Variants in INTS9 observed in about 807,000 individuals in gnomAD.
INTS9 encodes protein related to CPSF subunits of 74 kDa.
In INTS9, 55 loss-of-function variants were observed where a neutral mutation model predicts 79.7. The observed-to-expected ratio is 0.69, with a 90% CI of 0.56 to 0.86. The LOEUF is 0.86. INTS9 is among the 40% of genes least tolerant of loss of function. The probability of loss-of-function intolerance (pLI) is 0.00; values close to 1 mark genes in which losing one functional copy is unlikely to be tolerated. For missense variants in INTS9, 721 were observed against 831.5 expected, an observed-to-expected ratio of 0.87 and a Z score of 1.64; for synonymous variants, 319 against 325.2, an observed-to-expected ratio of 0.98 and a Z score of 0.20.
chr8:28,807,996 T>A (rs542367621), intron 8 of INTS9, among the ~76,000 whole-genome samples: 14 of 152,320 alleles, frequency 9.2e-5, no homozygotes, highest in Non-Finnish European at 1.8e-4. Context: ...ATCAAATCAA[T>A]TAAAAAATTA....
At chr8:28,815,251 T>C (rs1805401526) in intron 6 of INTS9, among the ~76,000 whole-genome samples, 1 of 152,108 alleles carries the variant, frequency 6.6e-6, no homozygotes, top group South Asian at 2.1e-4. Flanking sequence ...TACAATGTCA[T>C]ATAGAGAGTG....
At chr8:28,889,786 C>T (rs1285361414) in intron 1 of INTS9, 88 bp downstream of exon 1, 5 of 1,467,854 alleles carry the variant, frequency 3.4e-6, no homozygotes, top group African/African-American at 2.8e-5. Context: ...CCCTCCCGTG[C>T]GACGATTCCC....
chr8:28,768,750 C>G (rs1802354300), intron 16 of INTS9, among the ~76,000 whole-genome samples: 1 of 152,226 alleles, frequency 6.6e-6, no homozygotes, highest in Non-Finnish European at 1.5e-5. Flanking sequence ...GAGAAGGCAG[C>G]AGTGCAAACT....
chr8:28,806,136 G>T (rs1347229394), intron 8 of INTS9, among the ~76,000 whole-genome samples: 1 of 152,170 alleles, frequency 6.6e-6, no homozygotes, highest in Admixed American at 6.5e-5. Flanking sequence ...AGGCTGAGGT[G>T]GGAGGACTGC....
At chr8:28,845,728 G>A (rs556217065) in intron 4 of INTS9, among the ~76,000 whole-genome samples, 3 of 152,282 alleles carry the variant, frequency 2.0e-5, no homozygotes, top group South Asian at 2.1e-4. Flanking sequence ...TTTGGTTAAC[G>A]GTGAGAGGGA....
chr8:28,788,393 C>G (rs569678272), intron 10 of INTS9, among the ~76,000 whole-genome samples: 4 of 152,298 alleles, frequency 2.6e-5, no homozygotes, highest in African/African-American at 9.6e-5. Context: ...GTGATCTACA[C>G]CTTGAGACAT....
chr8:28,768,350 G>T, intron 16 of INTS9, 28 bp from the exon 17 acceptor site: 1 of 1,607,000 alleles, frequency 6.2e-7, no homozygotes, highest in Non-Finnish European at 8.5e-7. Flanking sequence ...AAAGAGGTGG[G>T]CTGGGCAGAC....
intron 5 of INTS9, among the ~76,000 whole-genome samples, chr8:28,837,386 G>A (rs1451216958): frequency 6.6e-6 from 1 of 152,110 alleles, no homozygotes; most frequent in Admixed American, 6.5e-5. Context: ...TCTGTACAGA[G>A]GAGCCGTCTC....
intron 12 of INTS9, 49 bp downstream of exon 12, chr8:28,780,774 A>T (rs1356614788): frequency 2.5e-6 from 4 of 1,599,636 alleles, no homozygotes; most frequent in Admixed American, 1.7e-5. Context: ...GCATTCACTC[A>T]TGGCCTCAGT....
intron 2 of INTS9, among the ~76,000 whole-genome samples, chr8:28,857,814 A>G (rs1332443314): frequency 6.6e-6 from 1 of 152,214 alleles, no homozygotes; most frequent in Non-Finnish European, 1.5e-5. Context: ...ATAAATATGT[A>G]CTTATAATGT....
At position 28,775,699 on chromosome 8, in the gene INTS9, C is replaced by T. The variant is rs1242316582; in HGVS notation, c.1563+60G>A. On this transcript the variant is annotated intron_variant, in intron 14 of 16. Coordinates refer to ENST00000521022, the MANE Select transcript of INTS9 (RefSeq NM_018250.4). ...AATCCAAAAGAAGGCCACCCCTGCA[C>T]GATCTCCAAGAGCCTCTGTGGAAAG... 1.3e-5 allele frequency: 20 copies of T among 1,563,362 alleles called. No homozygotes were observed. In the East Asian group the frequency reaches 2.5e-4, roughly 19 times the overall value.
intron 7 of INTS9, among the ~76,000 whole-genome samples, chr8:28,813,289 C>T (rs1585397697): frequency 1.3e-5 from 2 of 152,120 alleles, no homozygotes; most frequent in African/African-American, 4.8e-5. Flanking sequence ...GCTGGCCAAT[C>T]GAATGCTGGC....
intron 1 of INTS9, among the ~76,000 whole-genome samples, chr8:28,870,137 T>C (rs753817351): frequency 1.3e-5 from 2 of 152,054 alleles, no homozygotes; most frequent in Non-Finnish European, 2.9e-5. Context: ...AAAAAGTTCA[T>C]GGAACTATAT....
intron 4 of INTS9, among the ~76,000 whole-genome samples, chr8:28,838,859 C>T (rs143056772): frequency 1.3e-5 from 2 of 152,284 alleles, no homozygotes; most frequent in Non-Finnish European, 2.9e-5. Flanking sequence ...CTACACACAA[C>T]ACCTCAAAGT....
chr8:28,776,427 GTTTT>G (rs72163162), intron 13 of INTS9, among the ~76,000 whole-genome samples: 11 of 85,358 alleles, frequency 1.3e-4, no homozygotes, highest in South Asian at 6.3e-4. Flanking sequence ...CAGAGGCAGA[GTTTT>G]TTTTTTTTGT....
At chr8:28,810,890 A>G (rs1454759521) in intron 8 of INTS9, among the ~76,000 whole-genome samples, 8 of 152,132 alleles carry the variant, frequency 5.3e-5, no homozygotes, top group Admixed American at 5.2e-4. Flanking sequence ...CCCTCTCCAT[A>G]TTAAAATAAA....
chr8:28,809,160 T>C (rs1023269004), intron 8 of INTS9, among the ~76,000 whole-genome samples: 12 of 152,150 alleles, frequency 7.9e-5, no homozygotes, highest in Non-Finnish European at 1.0e-4. Flanking sequence ...GATCTTGCCA[T>C]GTTGCCCAGG....
At chr8:28,840,251 C>A (rs1449725041) in intron 4 of INTS9, among the ~76,000 whole-genome samples, 1 of 151,610 alleles carries the variant, frequency 6.6e-6, no homozygotes, top group Non-Finnish European at 1.5e-5. Context: ...GATACCATCT[C>A]ACACCAGTTA....
At chr8:28,770,048 G>T (rs760889815) in intron 15 of INTS9, 22 bp from the exon 16 acceptor site, 2 of 1,610,236 alleles carry the variant, frequency 1.2e-6, no homozygotes, top group African/African-American at 2.7e-5. Flanking sequence ...GGAAAGAGTG[G>T]CTTTCATGAG....
Sources: allele counts gnomAD v4.1 joint callset (sites outside exome capture counted in the v4.1 genomes callset), GRCh38; gene constraint gnomAD v4.1.1; transcripts MANE v1.5; gene names NCBI Gene and HGNC (gene_info 2026-07-23, HGNC 2026-07-21).